Variants in GPAM observed in about 807,000 individuals in gnomAD.
GPAM encodes glycerol-3-phosphate acyltransferase, mitochondrial, also known as glycerol-3-phosphate acyltransferase 1, mitochondrial.
A neutral mutation model predicts 105.0 loss-of-function variants in GPAM; 56 were observed. The ratio of observed to expected loss-of-function variants is 0.53; its 90% CI spans 0.43 to 0.67. The LOEUF is 0.67. Ranked by LOEUF, GPAM falls within the 30% of genes least tolerant of loss-of-function variation. GPAM has a pLI of 0.00. For missense variants in GPAM, 855 were observed against 989.8 expected (o/e 0.86, Z 1.83); for synonymous variants, 368 against 354.4 (o/e 1.04, Z -0.43).
In GPAM at chr10:112,181,722, T is replaced by C. The variant is rs1847511386; in HGVS notation, c.63A>G (p.Glu21=). 6.2e-7 allele frequency: 1 copy of C among 1,610,248 alleles called. No individual in the cohort carries two copies. The highest frequency in any genetic ancestry group is 1.3e-5 in the African/African-American group (1 of 74,844). ...TGTGCTTACATCGACCAACACTGTA[T>C]TCTGATGAATGTGGCAGATAAGAAA... The part of the protein sequence containing the change: ...IDVSYLPHSS[E]YSVGRCKHTS... Residue 21 remains glutamate, a synonymous_variant, in exon 3 of 22, where the codon GAA becomes GAG. Coordinates refer to ENST00000348367, the MANE Select transcript of GPAM (RefSeq NM_001244949.2).
chr10:112,172,409 C>T (rs867108298), intron 8 of GPAM, 91 bp from the exon 9 acceptor site: 2 of 939,488 alleles, frequency 2.1e-6, no homozygotes, highest in Non-Finnish European at 3.5e-6. Context: ...CACTCAAACA[C>T]TGGCTAATCA....
At position 112,163,743 on chromosome 10, in the gene GPAM, G is replaced by A. The variant is rs773969312; in HGVS notation, c.1381C>T (p.Arg461Ter). Residue 461 changes from arginine to a stop codon, truncating the protein, a stop_gained, in exon 14 of 22, where the codon CGA (arginine) becomes TGA (stop). Transcript: ENST00000348367. LOFTEE classifies it high-confidence loss of function. ...ESRNATDESL[R>*]RRLIANLAEH... is the part of the protein sequence containing the mutation. ...GCCAGATTTGCAATCAACCTCCTTCGTAGGGATTCATCTGTTGCATTTCTG... is the reference window on the plus strand; with the variant it reads ...GCCAGATTTGCAATCAACCTCCTTCATAGGGATTCATCTGTTGCATTTCTG... 23 of 1,599,288 alleles carry A rather than the reference G, an allele frequency of 1.4e-5. No individual in the cohort carries two copies. Among genetic ancestry groups the A allele is most frequent in the African/African-American group, 6.7e-5 (5 of 74,616 alleles).
the GPAM span, among the ~76,000 whole-genome samples, chr10:112,226,131 G>A: frequency 6.6e-6 from 1 of 152,152 alleles, no homozygotes; most frequent in Non-Finnish European, 1.5e-5. Flanking sequence ...CAAATAGCTT[G>A]CAATGTAGTT....
At chr10:112,172,349 C>T (rs1361826742) in intron 8 of GPAM, 31 bp from the exon 9 acceptor site, 2 of 1,601,150 alleles carry the variant, frequency 1.2e-6, no homozygotes, top group Admixed American at 1.7e-5. Context: ...AAATTTAAAA[C>T]TCAAATGTAA....
rs73365184 is a variant in GPAM, at chr10:112,164,573, G to A, written c.1259C>T (p.Ala420Val). ...LESQSQKPVS[A>V]LLSLEQALLP... ...CAACGCTTGCTCCAGGGAAAGTAGA[G>A]CAGACACCGGTTTCTGACTTTGGCT... Residue 420 changes from alanine to valine, a missense_variant, in exon 13 of 22, where the codon GCT becomes GTT. Physicochemically the swap from Ala to Val is moderately conservative, Grantham distance 64. Transcript: ENST00000348367. 5,430 of 1,607,080 alleles carry A rather than the reference G, an allele frequency of 3.4e-3. 172 individuals carry two copies. The African/African-American group carries it at 0.064, about 19-fold the overall frequency.
At chr10:112,201,340 G>T (rs978420112) in intron 1 of GPAM, among the ~76,000 whole-genome samples, 2 of 152,160 alleles carry the variant, frequency 1.3e-5, no homozygotes, top group Non-Finnish European at 2.9e-5. Context: ...TAAGGTCAAG[G>T]TCCCACTTAC....
intron 19 of GPAM, 109 bp from the exon 20 acceptor site, chr10:112,156,162 TCA>T: frequency 1.3e-6 from 1 of 744,152 alleles, no homozygotes; most frequent in East Asian, 2.7e-5. Flanking sequence ...AGATGGCCAC[TCA>T]CATCAGCACT....
the GPAM span, among the ~76,000 whole-genome samples, chr10:112,220,586 C>G: frequency 6.6e-6 from 1 of 152,124 alleles, no homozygotes; most frequent in African/African-American, 2.4e-5. Context: ...AAAGCCTGTC[C>G]TTGAATAGTG....
At position 112,153,239 on chromosome 10, in the gene GPAM, A is replaced by C. The variant is rs7078775; in HGVS notation, c.*311T>G. On this transcript the variant is annotated 3_prime_UTR_variant, in exon 22 of 22. Coordinates refer to ENST00000348367, the MANE Select transcript of GPAM (RefSeq NM_001244949.2). Reference sequence around the variant, plus strand: ...TCCATCACAGTAATTAGTCCTTAAAAGTTGTACTTAAAATGTCAATCTTTA... The same window carrying C: ...TCCATCACAGTAATTAGTCCTTAAACGTTGTACTTAAAATGTCAATCTTTA... 141,552 of 1,187,030 alleles carry C rather than the reference A, an allele frequency of 0.12. 8,945 individuals are homozygous for C. Among genetic ancestry groups the C allele is most frequent in the South Asian group, 0.2 (10,736 of 53,222 alleles). 73.5% of individuals were successfully genotyped at this position (1,187,030 alleles called of 1,614,324 possible).
At chr10:112,158,084 C>G (rs1266909454) in intron 18 of GPAM, among the ~76,000 whole-genome samples, 2 of 152,184 alleles carry the variant, frequency 1.3e-5, no homozygotes, top group Non-Finnish European at 2.9e-5. Context: ...GTGTGTGCCA[C>G]CATGCCCAGC....
chr10:112,218,568 G>A (rs1847992770), upstream of GPAM, among the ~76,000 whole-genome samples: 1 of 152,150 alleles, frequency 6.6e-6, no homozygotes, highest in Non-Finnish European at 1.5e-5. Context: ...AGAATTTGGG[G>A]CAAGTCCACA....
chr10:112,201,108 A>G (rs935837800), intron 1 of GPAM, among the ~76,000 whole-genome samples: 2 of 152,220 alleles, frequency 1.3e-5, no homozygotes, highest in Non-Finnish European at 2.9e-5. Flanking sequence ...CTGAAAAGGA[A>G]TTATTTTAAA....
At chr10:112,213,310 T>C (rs1847933446) in intron 1 of GPAM, among the ~76,000 whole-genome samples, 1 of 152,200 alleles carries the variant, frequency 6.6e-6, no homozygotes, top group South Asian at 2.1e-4. Flanking sequence ...TTTCCTTAAC[T>C]TATAGTTTGC....
At chr10:112,185,055 C>T (rs1026050916), upstream of GPAM, among the ~76,000 whole-genome samples, 8 of 152,292 alleles carry the variant, frequency 5.3e-5, no homozygotes, top group East Asian at 1.4e-3. Context: ...GATCCTGGCA[C>T]CCCGACTGGA....
At chr10:112,218,744 G>A (rs1259595784), upstream of GPAM, among the ~76,000 whole-genome samples, 1 of 152,250 alleles carries the variant, frequency 6.6e-6, no homozygotes, top group Non-Finnish European at 1.5e-5. Flanking sequence ...GGAAAGGTGT[G>A]AGGAGTTCCC....
intron 1 of GPAM, among the ~76,000 whole-genome samples, chr10:112,202,861 G>A (rs1427301292): frequency 6.6e-6 from 1 of 152,196 alleles, no homozygotes; most frequent in Non-Finnish European, 1.5e-5. Flanking sequence ...CATTTGGAAA[G>A]GTGAACATTA....
chr10:112,224,671 T>C, the GPAM span, among the ~76,000 whole-genome samples: 5 of 152,126 alleles, frequency 3.3e-5, no homozygotes, highest in Non-Finnish European at 7.4e-5. Context: ...CTATTCAAAC[T>C]TGTTGATCAG....
chr10:112,175,063 A>G (rs1191596655), intron 6 of GPAM, among the ~76,000 whole-genome samples: 16 of 152,100 alleles, frequency 1.1e-4, no homozygotes, highest in Admixed American at 1.0e-3. Context: ...CCAAACTCCC[A>G]TATTCTAGAA....
At chr10:112,210,975 A>G (rs1398713533) in intron 1 of GPAM, among the ~76,000 whole-genome samples, 1 of 152,198 alleles carries the variant, frequency 6.6e-6, no homozygotes, top group Non-Finnish European at 1.5e-5. Context: ...GAATCTCACC[A>G]TCCAAAGAAT....
Sources: allele counts gnomAD v4.1 joint callset (sites outside exome capture counted in the v4.1 genomes callset), GRCh38; gene constraint gnomAD v4.1.1; transcripts MANE v1.5; gene names NCBI Gene and HGNC (gene_info 2026-07-23, HGNC 2026-07-21).